Variants in FGF14 observed in about 807,000 individuals in gnomAD.
FGF14 encodes the protein fibroblast growth factor homologous factor 4.
In FGF14, 5 loss-of-function variants were observed where a neutral mutation model predicts 25.5. The ratio of observed to expected loss-of-function variants is 0.20; its 90% CI spans 0.10 to 0.41. The LOEUF is 0.41. FGF14 is among the 10% of genes least tolerant of loss of function. The probability of loss-of-function intolerance (pLI) is 1.00; values close to 1 mark genes in which losing one functional copy is unlikely to be tolerated. For synonymous variants in FGF14, 138 were observed against 118.3 expected (o/e 1.17, Z -1.08); for missense variants, 222 against 320.1 (o/e 0.69, Z 2.34).
At chr13:102,087,407 CTTTTTTTTTTTTTT>C (rs71125043) in intron 1 of FGF14, among the ~76,000 whole-genome samples, 1 of 84,446 alleles carries the variant, frequency 1.2e-5, no homozygotes, top group African/African-American at 4.4e-5. Flanking sequence ...ACTGTAATTT[CTTTTTTTTTTTTTT>C]TTTTTTTTGA....
chr13:102,209,828 A>G (rs989131914), intron 1 of FGF14, among the ~76,000 whole-genome samples: 1 of 152,222 alleles, frequency 6.6e-6, no homozygotes, highest in Non-Finnish European at 1.5e-5. Context: ...TAAACAAAAG[A>G]GAGAATAAAC....
At chr13:101,881,534 G>A (rs2045711423) in intron 1 of FGF14, among the ~76,000 whole-genome samples, 1 of 152,078 alleles carries the variant, frequency 6.6e-6, no homozygotes, top group African/African-American at 2.4e-5. Context: ...TTATGTAATT[G>A]CAAAATACAA....
At chr13:102,198,841 G>A (rs1382210990) in intron 1 of FGF14, among the ~76,000 whole-genome samples, 2 of 152,156 alleles carry the variant, frequency 1.3e-5, no homozygotes, top group African/African-American at 4.8e-5. Flanking sequence ...CTCTGACATG[G>A]CTTATGGACA....
chr13:102,061,424 C>T (rs1445781408), intron 1 of FGF14, among the ~76,000 whole-genome samples: 3 of 152,160 alleles, frequency 2.0e-5, no homozygotes, highest in Non-Finnish European at 2.9e-5. Flanking sequence ...ACAGAAGAAA[C>T]GAGCCACAGC....
At chr13:102,372,605 A>C (rs2057918818) in intron 1 of FGF14, among the ~76,000 whole-genome samples, 1 of 152,112 alleles carries the variant, frequency 6.6e-6, no homozygotes, top group Admixed American at 6.6e-5. Context: ...TGGCATTAGG[A>C]CTTCCAACAG....
chr13:102,012,354 C>G (rs373299765), intron 1 of FGF14, among the ~76,000 whole-genome samples: 40 of 152,256 alleles, frequency 2.6e-4, no homozygotes, highest in African/African-American at 8.4e-4. Context: ...TTTAATGCTA[C>G]GGTGACAAGT....
At chr13:102,040,054 A>G (rs781561364) in intron 1 of FGF14, among the ~76,000 whole-genome samples, 9 of 152,248 alleles carry the variant, frequency 5.9e-5, no homozygotes, top group Middle Eastern at 3.4e-3. Context: ...CTCTCTGAAA[A>G]TGTTACCTGT....
At chr13:101,724,269 A>G (rs1421497775) in intron 4 of FGF14, among the ~76,000 whole-genome samples, 2 of 152,036 alleles carry the variant, frequency 1.3e-5, no homozygotes, top group Non-Finnish European at 2.9e-5. Context: ...AATACTATGC[A>G]GCCATAAAAA....
chr13:102,399,539 G>A (rs2058654606), intron 1 of FGF14, among the ~76,000 whole-genome samples: 1 of 152,206 alleles, frequency 6.6e-6, no homozygotes, highest in Non-Finnish European at 1.5e-5. Flanking sequence ...CTGTGAGATA[G>A]TGTTGCAGAT....
intron 3 of FGF14, among the ~76,000 whole-genome samples, chr13:101,755,521 A>C (rs1222367857): frequency 6.6e-6 from 1 of 152,154 alleles, no homozygotes; most frequent in African/African-American, 2.4e-5. Flanking sequence ...GTAAATAAAA[A>C]ATAATGATCA....
At position 102,170,006 on chromosome 13, in the gene FGF14, A is replaced by G. The variant is rs1024754693; in HGVS notation, c.208+231465T>C. Among the ~76,000 whole-genome samples, 3 of 152,166 alleles carry G rather than the reference A, an allele frequency of 2.0e-5. No homozygotes were observed. In the South Asian group the frequency reaches 6.2e-4, roughly 32 times the overall value. Reference sequence around the variant, plus strand: ...TGAAACCCATAACTATAAATGACAGATGCTCCTATGAGTTTGTGGCAGAAA... The same window carrying G: ...TGAAACCCATAACTATAAATGACAGGTGCTCCTATGAGTTTGTGGCAGAAA... On this transcript the variant is annotated intron_variant, in intron 1 of 4. Transcript: ENST00000376131.
chr13:102,354,851 T>C (rs1203182479), intron 1 of FGF14, among the ~76,000 whole-genome samples: 1 of 152,160 alleles, frequency 6.6e-6, no homozygotes. Context: ...AGAGAAAGTG[T>C]TTTCCTTCCT....
chr13:102,012,236 A>T (rs2040119525), intron 1 of FGF14, among the ~76,000 whole-genome samples: 1 of 152,178 alleles, frequency 6.6e-6, no homozygotes, highest in Admixed American at 6.6e-5. Flanking sequence ...AGAAGAAAAG[A>T]TCATGGTCTC....
intron 1 of FGF14, among the ~76,000 whole-genome samples, chr13:102,392,368 A>T (rs970401382): frequency 1.3e-5 from 2 of 152,208 alleles, no homozygotes; most frequent in Non-Finnish European, 2.9e-5. Context: ...AACATCTGCT[A>T]TTGACAAAGA....
chr13:101,896,949 C>T (rs949158166), intron 1 of FGF14, among the ~76,000 whole-genome samples: 4 of 152,026 alleles, frequency 2.6e-5, no homozygotes, highest in Admixed American at 6.6e-5. Context: ...CTAGGCAAGA[C>T]ATAAGAAAAT....
chr13:102,140,329 C>A (rs1465697633), intron 1 of FGF14, among the ~76,000 whole-genome samples: 2 of 152,058 alleles, frequency 1.3e-5, no homozygotes, highest in African/African-American at 4.8e-5. Context: ...TTATATTTAA[C>A]CAAAACAGAC....
intron 1 of FGF14, among the ~76,000 whole-genome samples, chr13:102,160,455 TCTTCTCA>T (rs1182241101): frequency 1.2e-4 from 18 of 152,200 alleles, no homozygotes; most frequent in African/African-American, 4.3e-4. Context: ...CTAAGCCTGA[TCTTCTCA>T]CACACCCGGC....
chr13:101,916,359 G>C, intron 1 of FGF14, 94 bp downstream of exon 1: 4 of 1,501,332 alleles, frequency 2.7e-6, no homozygotes, highest in Non-Finnish European at 3.7e-6. Context: ...GGGTGGGCCG[G>C]GAAAACCGAG....
At chr13:102,069,383 A>G (rs1287055541) in intron 1 of FGF14, among the ~76,000 whole-genome samples, 1 of 152,214 alleles carries the variant, frequency 6.6e-6, no homozygotes, top group Non-Finnish European at 1.5e-5. Context: ...GGGTGGGGCC[A>G]GATAAGAGAA....
Sources: gnomAD v4.1 joint callset for allele counts (sites outside exome capture counted in the v4.1 genomes callset) on GRCh38, gnomAD v4.1.1 for gene constraint, MANE v1.5 for transcripts, NCBI Gene and HGNC (gene_info 2026-07-23, HGNC 2026-07-21) for gene names.